SH3GLB2: variants seen among roughly 807,000 people sequenced by gnomAD.
SH3GLB2 encodes SH3 domain containing GRB2 like, endophilin B2.
In SH3GLB2, 24 loss-of-function variants were observed where a neutral mutation model predicts 48.0. The observed-to-expected ratio is 0.50, with a 90% CI of 0.36 to 0.70. The LOEUF (loss-of-function observed/expected upper bound fraction) is 0.70. Ranked by LOEUF, SH3GLB2 falls within the 30% of genes least tolerant of loss-of-function variation. The pLI, the probability that SH3GLB2 is intolerant of heterozygous loss-of-function variation, is 0.00. For missense variants in SH3GLB2, 425 were observed against 516.0 expected (o/e 0.82, Z 1.71); for synonymous variants, 227 against 207.6 (o/e 1.09, Z -0.80).
chr9:129,009,887 C>T lies in SH3GLB2; in HGVS notation c.739-16G>A, dbSNP rs1346031170. 6.2e-7 allele frequency: 1 copy of T among 1,608,838 alleles called. No homozygotes were observed. On this transcript the variant is annotated splice_polypyrimidine_tract_variant and intron_variant, in intron 8 of 10. Coordinates refer to ENST00000372564, the MANE Select transcript of SH3GLB2 (RefSeq NM_020145.4). ...GGTGGTTCACCTGCGGGGAAGAGGC[C>T]AGAGGCTGACTTCTAACCTCCCGCC...
Position 129,007,950 on chromosome 9 carries a change from C to T in SH3GLB2, c.*734G>A, listed in dbSNP as rs1842857074. The T allele has an allele frequency of 6.6e-6, 1 of 152,256 alleles. No individual in the cohort carries two copies. Among genetic ancestry groups the T allele is most frequent in the South Asian group, 2.1e-4 (1 of 4,830 alleles). The allele number at this position is 152,256 out of a possible 1,614,324, so 9.4% of individuals were successfully genotyped here. A position where few individuals can be genotyped will look rare whatever the true frequency, so the allele number is the denominator to read the frequency against. ...GGCCGGGGCAGCCACAGGGCCCCTG[C>T]TCACTCTGTGGAAGAGTGGGGCAGA... On this transcript the variant is annotated 3_prime_UTR_variant, in exon 11 of 11. Coordinates refer to ENST00000372564, the MANE Select transcript of SH3GLB2 (RefSeq NM_020145.4).
intron 1 of SH3GLB2, among the ~76,000 whole-genome samples, chr9:129,025,388 C>A (rs2131304901): frequency 6.6e-6 from 1 of 151,116 alleles, no homozygotes; most frequent in South Asian, 2.1e-4. Flanking sequence ...CGTGGTGAAA[C>A]CCTGTCTCTA....
rs1022881510 is a variant in SH3GLB2 at position 129,011,078 on chromosome 9, C to T, written c.625-385G>A. 1.3e-5 allele frequency: 3 copies of T among 234,614 alleles called. No homozygotes were observed. Among genetic ancestry groups the T allele is most frequent in the Admixed American group, 5.5e-5 (1 of 18,312 alleles). The allele number at this position is 234,614 out of a possible 1,614,324, so 14.5% of individuals were successfully genotyped here. A position where few individuals can be genotyped will look rare whatever the true frequency, so the allele number is the denominator to read the frequency against. On this transcript the variant is annotated intron_variant, in intron 6 of 10. Transcript: ENST00000372564. This position sits in a 1 kb window ranked among gnomAD's most constrained non-coding sequence, Gnocchi z 4.5. Reference sequence around the variant, plus strand: ...TGGGCCAGTCACTGAAGCTTTCTGTCCTCTGGCAGAGAAAGGTGGCCTCGT... The same window carrying T: ...TGGGCCAGTCACTGAAGCTTTCTGTTCTCTGGCAGAGAAAGGTGGCCTCGT...
chr9:129,013,064 A>G lies in SH3GLB2; in HGVS notation c.562-766T>C, dbSNP rs1352524607. ...GCAGGACGGAAAGGAACAAAAACAAAGAGTTAGTGAGTCCACAGCGCAGGC... is the reference window on the plus strand; with the variant it reads ...GCAGGACGGAAAGGAACAAAAACAAGGAGTTAGTGAGTCCACAGCGCAGGC... On this transcript the variant is annotated intron_variant, in intron 5 of 10. Coordinates refer to ENST00000372564, the MANE Select transcript of SH3GLB2 (RefSeq NM_020145.4). 25 of 1,550,454 alleles carry G rather than the reference A, an allele frequency of 1.6e-5. No individual in the cohort carries two copies. The East Asian group carries it at 6.1e-4, about 38-fold the overall frequency.
At chr9:129,018,751 A>G (rs918677024) in intron 3 of SH3GLB2, among the ~76,000 whole-genome samples, 15 of 150,714 alleles carry the variant, frequency 1.0e-4, no homozygotes, top group East Asian at 2.0e-4. Flanking sequence ...AAATTAGCCG[A>G]GCGTGGTGGC....
intron 6 of SH3GLB2, 88 bp from the exon 7 acceptor site, chr9:129,010,781 G>A: frequency 6.5e-7 from 1 of 1,537,988 alleles, no homozygotes; most frequent in Non-Finnish European, 8.9e-7. Context: ...CCAGCTCCCA[G>A]ACTCAACTTC....
chr9:129,012,820 A>C, intron 5 of SH3GLB2: 2 of 633,688 alleles, frequency 3.2e-6, no homozygotes, highest in Non-Finnish European at 5.4e-6. Context: ...ATTTGCAAAA[A>C]GCTGACTCAC....
rs1397321930 is a variant in SH3GLB2, at chr9:129,008,353, G to C, written c.*331C>G. 1 of 304,050 alleles carries C rather than the reference G, an allele frequency of 3.3e-6. No individual in the cohort carries two copies. The highest frequency in any genetic ancestry group is 3.1e-5 in the South Asian group (1 of 31,808). The allele number at this position is 304,050 out of a possible 1,614,324, so 18.8% of individuals were successfully genotyped here. On this transcript the variant is annotated 3_prime_UTR_variant, in exon 11 of 11. Coordinates refer to ENST00000372564, the MANE Select transcript of SH3GLB2 (RefSeq NM_020145.4). ...GCTGAGTGCACCTGGGGCTTCCTGA[G>C]CCCATCTGCGGCGGCCCCACCCTGG...
At chr9:129,015,263 G>A (rs561037849) in intron 3 of SH3GLB2, among the ~76,000 whole-genome samples, 13 of 151,882 alleles carry the variant, frequency 8.6e-5, no homozygotes, top group Non-Finnish European at 8.8e-5. Context: ...CTGGGAGGCC[G>A]AGACGGGAGG....
chr9:129,026,976 G>C (rs755602468), intron 1 of SH3GLB2, among the ~76,000 whole-genome samples: 26 of 152,310 alleles, frequency 1.7e-4, no homozygotes, highest in Non-Finnish European at 3.1e-4. Flanking sequence ...CTCCTGGGGA[G>C]GGGAGTGCCC....
In SH3GLB2 at chr9:129,028,313, A is replaced by G. The variant is rs1844293472; in HGVS notation, c.-159T>C. On this transcript the variant is annotated 5_prime_UTR_variant, in exon 1 of 11. Coordinates refer to ENST00000372564, the MANE Select transcript of SH3GLB2 (RefSeq NM_020145.4). ...GCCTGCCCGCCCGCCGCAGCCGCCG[A>G]GCCAGCCCGAGCGCGCAGGGCGGGG... 9.7e-6 allele frequency: 3 copies of G among 310,780 alleles called. No homozygotes were observed. The South Asian group carries it at 3.5e-4, about 36-fold the overall frequency. 19.3% of individuals were successfully genotyped at this position (310,780 alleles called of 1,614,324 possible).
intron 1 of SH3GLB2, among the ~76,000 whole-genome samples, chr9:129,024,918 C>CGAGATCA (rs1564586907): frequency 7.1e-6 from 1 of 139,934 alleles, no homozygotes; most frequent in Non-Finnish European, 1.6e-5. Context: ...TGCAGTGAGC[C>CGAGATCA]GAGATCACGC....
intron 7 of SH3GLB2, chr9:129,010,447 C>T (rs1012305616): frequency 1.5e-6 from 1 of 645,706 alleles, no homozygotes; most frequent in Non-Finnish European, 2.7e-6. Context: ...TCGGAGAAAT[C>T]CACCCAGCAA....
Position 129,011,632 on chromosome 9 carries a change from C to G in SH3GLB2, c.624+604G>C, listed in dbSNP as rs1247885208. The stretch of plus-strand genomic sequence containing the variant: ...CAGACTTCCCAAGAAAGCCTAAAAA[C>G]CAACAGACACCATGACATGCGAAGC... On this transcript the variant is annotated intron_variant, in intron 6 of 10. Coordinates refer to ENST00000372564, the MANE Select transcript of SH3GLB2 (RefSeq NM_020145.4). This position sits in a 1 kb window ranked among gnomAD's most constrained non-coding sequence, Gnocchi z 4.5. 1 of 152,942 alleles carries G rather than the reference C, an allele frequency of 6.5e-6. No individual in the cohort carries two copies. The highest frequency in any genetic ancestry group is 2.4e-5 in the African/African-American group (1 of 41,428). 9.5% of individuals were successfully genotyped at this position (152,942 alleles called of 1,614,324 possible). A position where few individuals can be genotyped will look rare whatever the true frequency, so the allele number is the denominator to read the frequency against.
intron 1 of SH3GLB2, among the ~76,000 whole-genome samples, chr9:129,027,778 GGGA>G (rs1332924897): frequency 1.3e-5 from 2 of 152,244 alleles, no homozygotes; most frequent in Non-Finnish European, 2.9e-5. Flanking sequence ...GACAAGGGCA[GGGA>G]GGTAGCACCC....
Position 129,014,907 on chromosome 9 carries a change from G to A in SH3GLB2, c.335-3C>T. ...TGCCACCTTGATCAGTGTCTTCCCTGAGAAAACAGAGTTGAAGCGTGAGGA... is the reference window on the plus strand; with the variant it reads ...TGCCACCTTGATCAGTGTCTTCCCTAAGAAAACAGAGTTGAAGCGTGAGGA... On this transcript the variant is annotated splice_region_variant and splice_polypyrimidine_tract_variant and intron_variant, in intron 3 of 10. Coordinates refer to ENST00000372564, the MANE Select transcript of SH3GLB2 (RefSeq NM_020145.4). The surrounding 1 kb of genome is among the most constrained non-coding windows in gnomAD (Gnocchi z 4.1). 1 of 1,612,960 alleles carries A rather than the reference G, an allele frequency of 6.2e-7. No individual in the cohort carries two copies. Among genetic ancestry groups the A allele is most frequent in the East Asian group, 2.2e-5 (1 of 44,844 alleles).
At chr9:129,012,423 A>T (rs551023750) in intron 5 of SH3GLB2, 125 bp from the exon 6 acceptor site, 113 of 495,564 alleles carry the variant, frequency 2.3e-4, no homozygotes, top group Middle Eastern at 6.9e-4. Context: ...AGGGACGGGG[A>T]TACAAACACA....
chr9:129,014,311 G>A lies in SH3GLB2; in HGVS notation c.561+100C>T. On this transcript the variant is annotated intron_variant, in intron 5 of 10. Coordinates refer to ENST00000372564, the MANE Select transcript of SH3GLB2 (RefSeq NM_020145.4). This position sits in a 1 kb window ranked among gnomAD's most constrained non-coding sequence, Gnocchi z 4.1. Reference sequence around the variant, plus strand: ...CCAGGCATCTCCAGCCAGGGAGAGGGGAGAGAGGTCATGCCAAATACCAGG... The same window carrying A: ...CCAGGCATCTCCAGCCAGGGAGAGGAGAGAGAGGTCATGCCAAATACCAGG... The A allele has an allele frequency of 9.1e-7, 1 of 1,093,842 alleles. No individual in the cohort carries two copies. Among genetic ancestry groups the A allele is most frequent in the Non-Finnish European group, 1.3e-6 (1 of 750,262 alleles). 67.8% of individuals were successfully genotyped at this position (1,093,842 alleles called of 1,614,324 possible). A position where few individuals can be genotyped will look rare whatever the true frequency, so the allele number is the denominator to read the frequency against.
chr9:129,019,047 A>T (rs1843622455), intron 3 of SH3GLB2, among the ~76,000 whole-genome samples: 1 of 151,928 alleles, frequency 6.6e-6, no homozygotes, highest in Non-Finnish European at 1.5e-5. Flanking sequence ...ATGGGGCTTG[A>T]CAATAGACAT....
Sources: allele counts gnomAD v4.1 joint callset (sites outside exome capture counted in the v4.1 genomes callset), GRCh38; gene constraint gnomAD v4.1.1; non-coding constraint Gnocchi (gnomAD v3.1); transcripts MANE v1.5; gene names NCBI Gene and HGNC (gene_info 2026-07-23, HGNC 2026-07-21).